EFCAB9: variants seen among roughly 807,000 people sequenced by gnomAD.
The protein encoded by EFCAB9 is EF-hand calcium binding domain 9.
In EFCAB9, 16 loss-of-function variants were observed where a neutral mutation model predicts 15.6. That is an observed-to-expected ratio of 1.03 (90% CI 0.69 to 1.56). The LOEUF (loss-of-function observed/expected upper bound fraction) is 1.56, where lower values mean the gene tolerates loss of function less well. Ranked by LOEUF, EFCAB9 falls within the 40% of genes most tolerant of loss-of-function variation. EFCAB9 has a pLI of 0.00. For missense variants in EFCAB9, 208 were observed against 235.4 expected (o/e 0.88, Z 0.76); for synonymous variants, 76 against 85.4 (o/e 0.89, Z 0.61).
rs1328086685 is a variant in EFCAB9, at chr5:172,203,301, GGAGA to G, written c.555_558del (p.Lys187GlufsTer31). 23 of 1,536,646 alleles carry G rather than the reference GGAGA, an allele frequency of 1.5e-5. No individual in the cohort carries two copies. In the East Asian group the frequency reaches 3.9e-4, roughly 26 times the overall value. The stretch of plus-strand genomic sequence containing the variant: ...GCAGAAAACAGAGGAGAAAGAAAAA[GGAGA>G]GAGAAAGAGAAGTCTCTACTCAAAA... On this transcript the variant is annotated frameshift_variant, in exon 4 of 4. Coordinates refer to ENST00000398186, the MANE Select transcript of EFCAB9 (RefSeq NM_001171183.2). LOFTEE classifies it low-confidence loss of function (END_TRUNC).
intron 1 of EFCAB9, among the ~76,000 whole-genome samples, chr5:172,195,183 A>AAT (rs779715012): frequency 0.069 from 10,137 of 146,480 alleles, 399 homozygotes; most frequent in Middle Eastern, 0.11. Context: ...TAAATAAATA[A>AAT]AAATAAATAA....
chr5:172,195,696 T>C (rs918987970), intron 1 of EFCAB9, among the ~76,000 whole-genome samples: 9 of 152,368 alleles, frequency 5.9e-5, no homozygotes, highest in Admixed American at 1.3e-4. Context: ...GAGAGTGACC[T>C]GGAAGGGTGA....
chr5:172,197,623 T>C (rs1581200058), intron 1 of EFCAB9, among the ~76,000 whole-genome samples: 1 of 152,330 alleles, frequency 6.6e-6, no homozygotes, highest in Middle Eastern at 3.4e-3. Flanking sequence ...ATAAAGGGTA[T>C]TGTGTCTGGT....
chr5:172,200,756 C>CA lies in EFCAB9; in HGVS notation c.462+18dup. 1.3e-6 allele frequency: 2 copies of CA among 1,530,116 alleles called. No homozygotes were observed. Among genetic ancestry groups the CA allele is most frequent in the Non-Finnish European group, 1.8e-6 (2 of 1,142,648 alleles). The allele number at this position is 1,530,116 out of a possible 1,614,324, so 94.8% of individuals were successfully genotyped here. ...ACAGGTGACAATGTAAGTACAGATC[C>CA]AAAATGTGGCATGTGTGTGGCAGTC... On this transcript the variant is annotated intron_variant, in intron 3 of 3. Transcript: ENST00000398186.
intron 1 of EFCAB9, 30 bp downstream of exon 1, chr5:172,194,338 G>C (rs1379777196): frequency 6.5e-7 from 1 of 1,533,978 alleles, no homozygotes; most frequent in South Asian, 1.2e-5. Context: ...TCTCCTCTGG[G>C]TCCTTACCTG....
At chr5:172,203,001 AAAAAT>A (rs1252143364) in intron 3 of EFCAB9, among the ~76,000 whole-genome samples, 2 of 152,358 alleles carry the variant, frequency 1.3e-5, no homozygotes, top group Admixed American at 6.5e-5. Flanking sequence ...TCCGTCTCAA[AAAAAT>A]AAAAGTGGCC....
At chr5:172,198,977 C>G (rs774248933) in intron 1 of EFCAB9, among the ~76,000 whole-genome samples, 17 of 152,334 alleles carry the variant, frequency 1.1e-4, no homozygotes, top group Admixed American at 2.6e-4. Flanking sequence ...GGAAAAATGT[C>G]AGCATCTCCA....
rs373262260 is a variant in EFCAB9 at position 172,202,739 on chromosome 5, C to T, written c.463-475C>T. 1.2e-3 allele frequency among the ~76,000 whole-genome samples: 177 copies of T among 151,582 alleles called. 1 individual carries two copies. The highest frequency in any genetic ancestry group is 4.0e-3 in the African/African-American group (166 of 41,310). On this transcript the variant is annotated intron_variant, in intron 3 of 3. Coordinates refer to ENST00000398186, the MANE Select transcript of EFCAB9 (RefSeq NM_001171183.2). ...AAAAAAGGCCAGGCACAGTGTCTCACGCCTGTAATCCCAGCACTTTGGGAG... is the reference window on the plus strand; with the variant it reads ...AAAAAAGGCCAGGCACAGTGTCTCATGCCTGTAATCCCAGCACTTTGGGAG...
At chr5:172,194,462 C>T (rs563248740) in intron 1 of EFCAB9, among the ~76,000 whole-genome samples, 154 bp downstream of exon 1, 2 of 151,906 alleles carry the variant, frequency 1.3e-5, no homozygotes, top group South Asian at 2.1e-4. Flanking sequence ...TACGATGGCG[C>T]GATCTCAGCT....
intron 3 of EFCAB9, among the ~76,000 whole-genome samples, chr5:172,202,664 C>T (rs566586392): frequency 2.0e-5 from 3 of 151,788 alleles, no homozygotes; most frequent in East Asian, 3.9e-4. Context: ...GCTGAGATCA[C>T]GCCACTGCCC....
intron 3 of EFCAB9, 99 bp downstream of exon 3, chr5:172,200,841 G>C: frequency 8.0e-7 from 1 of 1,254,880 alleles, no homozygotes; most frequent in East Asian, 2.6e-5. Flanking sequence ...AGAGGAGGAG[G>C]GAGGGAAAAA....
chr5:172,202,668 A>G (rs934610722), intron 3 of EFCAB9, among the ~76,000 whole-genome samples: 3 of 151,928 alleles, frequency 2.0e-5, no homozygotes, highest in Non-Finnish European at 1.5e-5. Context: ...AGATCACGCC[A>G]CTGCCCTCCA....
intron 1 of EFCAB9, among the ~76,000 whole-genome samples, chr5:172,195,478 C>T (rs1282249411): frequency 6.6e-6 from 1 of 152,214 alleles, no homozygotes; most frequent in Non-Finnish European, 1.5e-5. Context: ...GCCAAATCTT[C>T]GCAATAACCC....
Position 172,199,546 on chromosome 5 carries a change from G to T in EFCAB9, c.285+15G>T. On this transcript the variant is annotated intron_variant, in intron 2 of 3. Transcript: ENST00000398186. ...TGGCCCACCAGGCAAGTAGCCGCGC[G>T]GCTGCTGCCATCCTCTTGCTAATGG... The T allele has an allele frequency of 6.5e-7, 1 of 1,536,590 alleles. No homozygotes were observed. The highest frequency in any genetic ancestry group is 8.7e-7 in the Non-Finnish European group (1 of 1,146,558).
chr5:172,195,509 C>T (rs1009495039), intron 1 of EFCAB9, among the ~76,000 whole-genome samples: 6 of 152,240 alleles, frequency 3.9e-5, no homozygotes, highest in Non-Finnish European at 7.3e-5. Context: ...AAGGCAGCTG[C>T]AGGGGACCTA....
At chr5:172,199,359 C>T in intron 1 of EFCAB9, 24 bp from the exon 2 acceptor site, 2 of 1,536,346 alleles carry the variant, frequency 1.3e-6, no homozygotes, top group South Asian at 1.2e-5. Context: ...AATAACACAT[C>T]TCCTCACCTG....
chr5:172,199,680 T>C, intron 2 of EFCAB9, 149 bp downstream of exon 2: 1 of 1,200,000 alleles, frequency 8.3e-7, no homozygotes, highest in Non-Finnish European at 1.1e-6. Flanking sequence ...GTTCAGGTTT[T>C]TCAACAGCTT....
At position 172,200,652 on chromosome 5, in the gene EFCAB9, A is replaced by C; in HGVS notation, c.372A>C (p.Ala124=). 6.5e-7 allele frequency: 1 copy of C among 1,537,366 alleles called. No individual in the cohort carries two copies. Among genetic ancestry groups the C allele is most frequent in the South Asian group, 1.2e-5 (1 of 84,056 alleles). The change falls in exon 3 of 4, where the codon GCA becomes GCC. Residue 124 remains alanine (A), a synonymous_variant. Coordinates refer to ENST00000398186, the MANE Select transcript of EFCAB9 (RefSeq NM_001171183.2). ...TGAAAGGGGATCTGAGAATTGGTGC[A>C]AAAAACTTCGAAATGTACAGATTTC... ...LDLKGDLRIG[A]KNFEMYRFLF...
rs1771292843 is a variant in EFCAB9 at position 172,203,444 on chromosome 5, A to C, written c.*99A>C. ...ACATGTCTAAAAATAAATTCAGAGC[A>C]TCAAAGTAGATATCTTTATAATGAC... On this transcript the variant is annotated 3_prime_UTR_variant, in exon 4 of 4. Transcript: ENST00000398186. 2 of 1,381,614 alleles carry C rather than the reference A, an allele frequency of 1.4e-6. No homozygotes were observed. The highest frequency in any genetic ancestry group is 2.9e-5 in the African/African-American group (2 of 68,346). 85.6% of individuals were successfully genotyped at this position (1,381,614 alleles called of 1,614,324 possible).
Sources: allele counts gnomAD v4.1 joint callset (sites outside exome capture counted in the v4.1 genomes callset), GRCh38; gene constraint gnomAD v4.1.1; transcripts MANE v1.5; gene names NCBI Gene and HGNC (gene_info 2026-07-23, HGNC 2026-07-21).